The following RICTOR variants were observed in gnomAD, a reference collection of about 807,000 sequenced individuals.
RICTOR encodes the protein RPTOR independent companion of MTOR complex 2.
A neutral mutation model predicts 214.9 loss-of-function variants in RICTOR; 49 were observed. The ratio of observed to expected loss-of-function variants is 0.23; its 90% confidence interval spans 0.18 to 0.29. RICTOR has a LOEUF of 0.29. Among genes scored for constraint, RICTOR ranks in the 10% least tolerant of loss-of-function variants. The pLI is 1.00. For synonymous variants in RICTOR, 717 were observed against 711.3 expected, an observed-to-expected ratio of 1.01 and a Z score of -0.13; for missense variants, 1,625 against 2,047.0, an observed-to-expected ratio of 0.79 and a Z score of 3.98.
intron 2 of RICTOR, among the ~76,000 whole-genome samples, chr5:39,026,282 G>A (rs906256270): frequency 6.6e-6 from 1 of 152,124 alleles, no homozygotes; most frequent in Non-Finnish European, 1.5e-5. Context: ...GGTTAAGGCT[G>A]CAGTGGGCAG....
chr5:38,963,750 T>C (rs774825693), intron 16 of RICTOR, among the ~76,000 whole-genome samples: 1 of 151,914 alleles, frequency 6.6e-6, no homozygotes, highest in South Asian at 2.1e-4. Flanking sequence ...GAATTCCTGA[T>C]AAACCCTGGA....
intron 7 of RICTOR, among the ~76,000 whole-genome samples, chr5:38,984,344 T>C (rs1751979503): frequency 6.6e-6 from 1 of 152,226 alleles, no homozygotes; most frequent in African/African-American, 2.4e-5. Flanking sequence ...TAATCTATCT[T>C]GTTCAATAAT....
Position 38,942,287 on chromosome 5 carries a change from CCATCATAA to C in RICTOR, c.*9_*16del. On this transcript the variant is annotated 3_prime_UTR_variant, in exon 38 of 38. Coordinates refer to ENST00000357387, the MANE Select transcript of RICTOR (RefSeq NM_152756.5). ...GAATATATATAGTATGTATCTATAT[CCATCATAA>C]ATATGAGGTCAGGATTCAGCAGATG... The C allele has an allele frequency of 6.8e-7, 1 of 1,470,642 alleles. No individual in the cohort carries two copies. Among genetic ancestry groups the C allele is most frequent in the Non-Finnish European group, 9.5e-7 (1 of 1,056,686 alleles). 91.1% of individuals were successfully genotyped at this position (1,470,642 alleles called of 1,614,324 possible).
intron 6 of RICTOR, among the ~76,000 whole-genome samples, chr5:38,994,562 G>A (rs1041179475): frequency 4.0e-5 from 6 of 150,556 alleles, no homozygotes; most frequent in African/African-American, 9.8e-5. Context: ...CATAAACCAA[G>A]GAAAAGCCCT....
intron 26 of RICTOR, 125 bp from the exon 27 acceptor site, chr5:38,954,986 T>C (rs960879675): frequency 2.6e-5 from 13 of 493,108 alleles, no homozygotes; most frequent in African/African-American, 2.3e-4. Context: ...AATAAAAATA[T>C]GAAAGTAACA....
intron 2 of RICTOR, among the ~76,000 whole-genome samples, chr5:39,040,876 C>T (rs936203867): frequency 3.9e-5 from 6 of 152,120 alleles, no homozygotes; most frequent in African/African-American, 1.4e-4. Context: ...TATATGATCT[C>T]ATTCCTGGAG....
intron 27 of RICTOR, among the ~76,000 whole-genome samples, chr5:38,954,453 G>A (rs913816775): frequency 4.0e-5 from 6 of 151,768 alleles, no homozygotes; most frequent in Admixed American, 2.6e-4. Flanking sequence ...TTTTCAGTAC[G>A]TTTTTGGAGA....
chr5:38,941,386 T>A lies in RICTOR; in HGVS notation c.*918A>T, dbSNP rs1032247637. 1 of 231,882 alleles carries A rather than the reference T, an allele frequency of 4.3e-6. No homozygotes were observed. The highest frequency in any genetic ancestry group is 8.5e-6 in the Non-Finnish European group (1 of 117,040). The allele number at this position is 231,882 out of a possible 1,614,324, so 14.4% of individuals were successfully genotyped here. A position where few individuals can be genotyped will look rare whatever the true frequency, so the allele number is the denominator to read the frequency against. The stretch of plus-strand genomic sequence containing the variant: ...GGAATGTGTAAATTGCAAGCAAACT[T>A]ATCTTTTCCTCAGGAGATCCAAAGT... On this transcript the variant is annotated 3_prime_UTR_variant, in exon 38 of 38. Transcript: ENST00000357387.
Position 39,070,484 on chromosome 5 carries a change from A to G in RICTOR, c.97+3627T>C, listed in dbSNP as rs146070384. Among the ~76,000 whole-genome samples the G allele has an allele frequency of 1.6e-3, 237 of 152,318 alleles. 2 individuals are homozygous for G. Among genetic ancestry groups the G allele is most frequent in the African/African-American group, 5.5e-3 (228 of 41,578 alleles). On this transcript the variant is annotated intron_variant, in intron 2 of 37. Transcript: ENST00000357387. ...GAGCGAGACTCCGTCTCAAATAAAA[A>G]AAAAAAAAGTTAGAGTTCAAATCTA...
intron 2 of RICTOR, among the ~76,000 whole-genome samples, chr5:39,065,853 C>G (rs980869786): frequency 6.6e-6 from 1 of 152,226 alleles, no homozygotes; most frequent in Non-Finnish European, 1.5e-5. Context: ...CAACTCTGCC[C>G]TGTGGCTTTG....
intron 8 of RICTOR, among the ~76,000 whole-genome samples, chr5:38,979,480 T>C (rs910981658): frequency 6.6e-6 from 1 of 152,248 alleles, no homozygotes; most frequent in Non-Finnish European, 1.5e-5. Flanking sequence ...CCTTCCTGCA[T>C]TTCTTTGTTT....
In RICTOR at chr5:38,966,670, T is replaced by C; in HGVS notation, c.1270A>G (p.Thr424Ala). ...TGTAAAAGCTCTCCTAAAAGGATGG[T>C]AGCTCTAACTGAGATATGATCATCA... ...NSDDHISVRA[T>A]ILLGELLHMA... is the part of the protein sequence containing the mutation. The change falls in exon 15 of 38, where the codon ACC becomes GCC. Residue 424 changes from threonine to alanine, a missense_variant. Transcript: ENST00000357387. 2 of 1,591,960 alleles carry C rather than the reference T, an allele frequency of 1.3e-6. No individual in the cohort carries two copies. The highest frequency in any genetic ancestry group is 1.1e-5 in the South Asian group (1 of 89,242).
At chr5:38,967,486 A>G in intron 12 of RICTOR, 59 bp from the exon 13 acceptor site, 1 of 1,268,142 alleles carries the variant, frequency 7.9e-7, no homozygotes, top group Non-Finnish European at 1.1e-6. Flanking sequence ...ATTTCAGATA[A>G]GTATAAAACC....
intron 3 of RICTOR, among the ~76,000 whole-genome samples, chr5:39,009,321 TAGC>T (rs1010319621): frequency 5.3e-5 from 8 of 152,170 alleles, no homozygotes; most frequent in African/African-American, 1.9e-4. Flanking sequence ...TTCCTAGAGT[TAGC>T]AGTTTTAGTG....
rs1561444223 is a variant in RICTOR at position 38,949,941 on chromosome 5, G to A, written c.3907C>T (p.Leu1303Phe). 12 of 1,613,554 alleles carry A rather than the reference G, an allele frequency of 7.4e-6. No homozygotes were observed. Among genetic ancestry groups the A allele is most frequent in the Non-Finnish European group, 8.5e-6 (10 of 1,179,658 alleles). Residue 1303 changes from leucine (L) to phenylalanine (F), a missense_variant, in exon 31 of 38, where the codon CTT (leucine) becomes TTT (phenylalanine). Around this residue, in one of 5 missense-constraint regions of RICTOR, gnomAD observed 1,214 missense variants for 1,470.5 expected, o/e 0.83. Coordinates refer to ENST00000357387, the MANE Select transcript of RICTOR (RefSeq NM_152756.5). ...ATTGTAGCAATAGAGGGTGCTTTAAGGGACTGTGCTCTTCTAGGAAGCGTA... is the reference window on the plus strand; with the variant it reads ...ATTGTAGCAATAGAGGGTGCTTTAAAGGACTGTGCTCTTCTAGGAAGCGTA... ...SHTLPRRAQSLKAPSIATIKS... is the reference protein window; with the variant it reads ...SHTLPRRAQSFKAPSIATIKS...
chr5:39,028,058 T>C (rs945978922), intron 2 of RICTOR, among the ~76,000 whole-genome samples: 3 of 151,582 alleles, frequency 2.0e-5, no homozygotes, highest in Non-Finnish European at 2.9e-5. Flanking sequence ...ACATCATTAA[T>C]TAACAGGAAA....
intron 10 of RICTOR, 106 bp from the exon 11 acceptor site, chr5:38,972,065 TG>T: frequency 5.1e-6 from 3 of 586,156 alleles, no homozygotes; most frequent in Non-Finnish European, 9.0e-6. Context: ...CAAAATTATA[TG>T]ATTATGATAC....
chr5:39,028,285 C>A (rs1201337605), intron 2 of RICTOR, among the ~76,000 whole-genome samples: 1 of 149,912 alleles, frequency 6.7e-6, no homozygotes, highest in African/African-American at 2.5e-5. Flanking sequence ...CGGGTTCACG[C>A]CATTCTCCTG....
intron 3 of RICTOR, among the ~76,000 whole-genome samples, chr5:39,010,199 T>C (rs2150119330): frequency 6.6e-6 from 1 of 152,290 alleles, no homozygotes; most frequent in Middle Eastern, 3.4e-3. Context: ...CTGATGGTTT[T>C]ATGAGAGGCT....
Sources: gnomAD v4.1 joint callset for allele counts (sites outside exome capture counted in the v4.1 genomes callset) on GRCh38, gnomAD v4.1.1 for gene constraint, gnomAD v4.1.1 regional missense constraint, MANE v1.5 for transcripts, NCBI Gene and HGNC (gene_info 2026-07-23, HGNC 2026-07-21) for gene names.